The following STEEP1 variants were observed in gnomAD, a reference collection of about 807,000 sequenced individuals.
STEEP1 encodes the protein STING ER exit protein.
A neutral mutation model predicts 19.2 loss-of-function variants in STEEP1; 3 were observed. That is an observed-to-expected ratio of 0.16 (90% CI 0.07 to 0.40). The LOEUF (loss-of-function observed/expected upper bound fraction) is 0.40, where lower values mean the gene tolerates loss of function less well. STEEP1 is among the 10% of genes least tolerant of loss of function. The probability of loss-of-function intolerance (pLI) is 0.99; values close to 1 mark genes in which losing one functional copy is unlikely to be tolerated. For synonymous variants in STEEP1, 46 were observed against 63.7 expected (o/e 0.72, Z 1.32); for missense variants, 54 against 177.1 (o/e 0.30, Z 3.94).
intron 2 of STEEP1, among the ~76,000 whole-genome samples, chrX:119,556,872 C>T (rs186281554): frequency 8.4e-4 from 93 of 110,373 alleles, no homozygotes; most frequent in African/African-American, 3.0e-3. Context: ...AGGTCAGAAC[C>T]GCATGGAATA....
intron 2 of STEEP1, among the ~76,000 whole-genome samples, chrX:119,552,446 A>G (rs750823115): frequency 5.3e-5 from 6 of 112,441 alleles, no homozygotes; most frequent in Non-Finnish European, 1.1e-4. Context: ...GGAAATAGTT[A>G]ATGTTTACCA....
intron 2 of STEEP1, among the ~76,000 whole-genome samples, chrX:119,553,518 T>C (rs1164459166): frequency 8.9e-6 from 1 of 111,942 alleles, no homozygotes; most frequent in African/African-American, 3.2e-5. Flanking sequence ...AAAGTGGTAC[T>C]GCTTGGGATA....
Position 119,544,363 on chromosome X carries a change from G to A in STEEP1, c.413C>T (p.Pro138Leu). The change falls in exon 4 of 7, where the codon CCT becomes CTT. Residue 138 changes from proline (P) to leucine (L), a missense_variant. Physicochemically the swap from Pro to Leu is moderately conservative, Grantham distance 98. This residue lies in a region of STEEP1 where 47 missense variants were observed against 118.5 expected (regional missense o/e 0.40). Coordinates refer to ENST00000644802, the MANE Select transcript of STEEP1 (RefSeq NM_022101.4). The stretch of plus-strand genomic sequence containing the variant: ...TTCAATGGTAATTACCTTCTTAGGA[G>A]GCTCTTGTTTCTGAGTATATATGTT... The part of the protein sequence containing the change: ...KTNIYTQKQE[P>L]PKKVMMTKRT... 1.7e-6 allele frequency: 2 copies of A among 1,206,001 alleles called. No individual in the cohort carries two copies. Among genetic ancestry groups the A allele is most frequent in the South Asian group, 3.5e-5 (2 of 56,775 alleles).
At chrX:119,558,031 C>G (rs978118020) in intron 2 of STEEP1, among the ~76,000 whole-genome samples, 1 of 110,699 alleles carries the variant, frequency 9.0e-6, no homozygotes, top group Non-Finnish European at 1.9e-5. Flanking sequence ...CCCAGCCTCC[C>G]GAGTAGCTGG....
At chrX:119,562,435 AGGCAGGAGAAT>A (rs1490724734) in intron 1 of STEEP1, among the ~76,000 whole-genome samples, 5 of 109,901 alleles carry the variant, frequency 4.5e-5, no homozygotes, top group East Asian at 2.8e-4. Context: ...CGGGAGGCTG[AGGCAGGAGAAT>A]CGCTTGAACC....
chrX:119,546,302 G>A (rs1314986861), intron 2 of STEEP1, among the ~76,000 whole-genome samples: 4 of 109,190 alleles, frequency 3.7e-5, no homozygotes, highest in African/African-American at 1.0e-4. Context: ...TTAGCTGGGC[G>A]TGGTGGCGGA....
chrX:119,544,343 T>C lies in STEEP1; in HGVS notation c.423+10A>G, dbSNP rs2053185787. 2.5e-6 allele frequency: 3 copies of C among 1,202,645 alleles called. No individual in the cohort carries two copies. Among genetic ancestry groups the C allele is most frequent in the Non-Finnish European group, 3.4e-6 (3 of 888,492 alleles). ...CTATATTAAGCAGTCTCTCCTTCAA[T>C]GGTAATTACCTTCTTAGGAGGCTCT... On this transcript the variant is annotated intron_variant, in intron 4 of 6. Transcript: ENST00000644802.
intron 2 of STEEP1, among the ~76,000 whole-genome samples, chrX:119,559,214 G>A (rs946724432): frequency 3.8e-5 from 4 of 106,149 alleles, no homozygotes; most frequent in Admixed American, 2.0e-4. Flanking sequence ...GCGAAACTCC[G>A]TCAAAAAAAA....
chrX:119,557,155 C>CAA (rs61087266), intron 2 of STEEP1, among the ~76,000 whole-genome samples: 12 of 47,756 alleles, frequency 2.5e-4, no homozygotes, highest in African/African-American at 8.0e-4. Flanking sequence ...GACTCTATCT[C>CAA]AAAAAAAAAA....
intron 4 of STEEP1, among the ~76,000 whole-genome samples, chrX:119,543,578 G>C (rs1018379385): frequency 9.0e-6 from 1 of 110,699 alleles, no homozygotes; most frequent in African/African-American, 3.3e-5. Context: ...AAACTCCTGG[G>C]CTAAAGTGAT....
chrX:119,548,847 G>T (rs2053225454), intron 2 of STEEP1, among the ~76,000 whole-genome samples: 1 of 111,807 alleles, frequency 8.9e-6, no homozygotes, highest in South Asian at 3.7e-4. Context: ...ATAAAGAAAA[G>T]GTGGCACGCA....
At chrX:119,556,896 G>A (rs1015808918) in intron 2 of STEEP1, among the ~76,000 whole-genome samples, 5 of 110,545 alleles carry the variant, frequency 4.5e-5, no homozygotes, top group Non-Finnish European at 1.9e-5. Flanking sequence ...ATACTTGAGG[G>A]GCAGGCAGAA....
intron 2 of STEEP1, among the ~76,000 whole-genome samples, chrX:119,554,219 T>G (rs759340773): frequency 9.1e-6 from 1 of 110,268 alleles, no homozygotes; most frequent in South Asian, 3.8e-4. Flanking sequence ...CCAAGGCGGG[T>G]GGATCATTTG....
At chrX:119,541,465 G>C in intron 5 of STEEP1, 45 bp from the exon 6 acceptor site, 1 of 762,400 alleles carries the variant, frequency 1.3e-6, no homozygotes, top group Non-Finnish European at 2.0e-6. Flanking sequence ...TCTCACCAAG[G>C]AATAACAACA....
chrX:119,547,189 T>TAC (rs960557354), intron 2 of STEEP1, among the ~76,000 whole-genome samples: 2 of 112,095 alleles, frequency 1.8e-5, no homozygotes, highest in Non-Finnish European at 3.8e-5. Flanking sequence ...TGGTTAAATA[T>TAC]ATATATATAT....
intron 1 of STEEP1, among the ~76,000 whole-genome samples, chrX:119,562,616 G>A (rs1361199222): frequency 2.9e-5 from 3 of 103,098 alleles, no homozygotes; most frequent in Non-Finnish European, 6.0e-5. Flanking sequence ...GAACCTGGGA[G>A]GCAGAGGTTG....
chrX:119,559,832 T>C (rs1198578975), intron 2 of STEEP1, among the ~76,000 whole-genome samples: 1 of 112,192 alleles, frequency 8.9e-6, no homozygotes, highest in African/African-American at 3.2e-5. Flanking sequence ...GAGAATCACT[T>C]GAGGCCAGGA....
chrX:119,541,024 C>T (rs1018083808), intron 6 of STEEP1, among the ~76,000 whole-genome samples: 7 of 110,315 alleles, frequency 6.3e-5, no homozygotes, highest in Non-Finnish European at 1.1e-4. Flanking sequence ...CCAGCCTGGG[C>T]GACAAAGTGA....
At chrX:119,548,519 T>C (rs1181653509) in intron 2 of STEEP1, among the ~76,000 whole-genome samples, 2 of 62,585 alleles carry the variant, frequency 3.2e-5, no homozygotes, top group African/African-American at 7.3e-5. Flanking sequence ...GGTGACAGAG[T>C]AAGACTCTGT....
Sources: allele counts gnomAD v4.1 joint callset (sites outside exome capture counted in the v4.1 genomes callset), GRCh38; gene constraint gnomAD v4.1.1; regional missense constraint gnomAD v4.1.1; transcripts MANE v1.5; gene names NCBI Gene and HGNC (gene_info 2026-07-23, HGNC 2026-07-21).